Variants in PINX1 observed in about 807,000 individuals in gnomAD.
PINX1 encodes PIN2/TERF1-interacting telomerase inhibitor 1.
Under a neutral mutation model 25.4 loss-of-function variants are expected in PINX1, and 34 were observed. That is an observed-to-expected ratio of 1.34 (90% confidence interval 1.02 to 1.78). PINX1 has a LOEUF of 1.78. Ranked by LOEUF, PINX1 falls within the 40% of genes most tolerant of loss-of-function variation. PINX1 has a pLI of 0.00. For synonymous variants in PINX1, 197 were observed against 147.7 expected (o/e 1.33, Z -2.42); for missense variants, 592 against 404.9 (o/e 1.46, Z -3.97).
At chr8:10,824,879 T>C (rs1232162234) in intron 5 of PINX1, among the ~76,000 whole-genome samples, 1 of 152,216 alleles carries the variant, frequency 6.6e-6, no homozygotes, top group Non-Finnish European at 1.5e-5. Flanking sequence ...GGACTGGGTA[T>C]GAAGTGAGCA....
chr8:10,821,066 G>C (rs140027332), intron 5 of PINX1, among the ~76,000 whole-genome samples: 1 of 152,342 alleles, frequency 6.6e-6, no homozygotes, highest in East Asian at 1.9e-4. Flanking sequence ...AGTCCCATTT[G>C]TCAACGGCAT....
At chr8:10,804,580 G>T (rs1052325665) in intron 6 of PINX1, among the ~76,000 whole-genome samples, 1 of 152,060 alleles carries the variant, frequency 6.6e-6, no homozygotes, top group East Asian at 1.9e-4. Context: ...CTCTCAAAAC[G>T]CTCTGAAAGG....
chr8:10,839,096 G>A (rs1275989320), intron 1 of PINX1, among the ~76,000 whole-genome samples: 2 of 152,154 alleles, frequency 1.3e-5, no homozygotes, highest in Non-Finnish European at 1.5e-5. Flanking sequence ...CAATTCAGAA[G>A]TTCAGCAGCC....
At chr8:10,823,102 A>G (rs1021982361) in intron 5 of PINX1, among the ~76,000 whole-genome samples, 1 of 152,200 alleles carries the variant, frequency 6.6e-6, no homozygotes, top group Non-Finnish European at 1.5e-5. Context: ...GTGCTACCTG[A>G]TATTTATTTA....
intron 4 of PINX1, among the ~76,000 whole-genome samples, chr8:10,830,320 G>A (rs1798190185): frequency 6.6e-6 from 1 of 152,134 alleles, no homozygotes; most frequent in South Asian, 2.1e-4. Flanking sequence ...CACACTGTTG[G>A]GCTCACTTCC....
In PINX1 at chr8:10,795,267, G is replaced by A. The variant is rs60055864; in HGVS notation, c.471+24926C>T. Among the ~76,000 whole-genome samples, 730 of 152,286 alleles carry A rather than the reference G, an allele frequency of 4.8e-3. 3 individuals carry two copies. Among genetic ancestry groups the A allele is most frequent in the African/African-American group, 0.017 (695 of 41,560 alleles). Reference sequence around the variant, plus strand: ...AGTTCATAGCAATGTCTTTGACCTGGCTACAAACAGAGGGCTTGGCTTGCT... The same window carrying A: ...AGTTCATAGCAATGTCTTTGACCTGACTACAAACAGAGGGCTTGGCTTGCT... On this transcript the variant is annotated intron_variant, in intron 6 of 6. Transcript: ENST00000314787.
At chr8:10,813,325 A>G (rs886784438) in intron 6 of PINX1, among the ~76,000 whole-genome samples, 2 of 152,178 alleles carry the variant, frequency 1.3e-5, no homozygotes, top group Non-Finnish European at 2.9e-5. Context: ...ATCAGTGTGA[A>G]AATTCAGAAA....
intron 6 of PINX1, among the ~76,000 whole-genome samples, chr8:10,799,923 T>G (rs972434931): frequency 6.6e-6 from 1 of 152,220 alleles, no homozygotes; most frequent in African/African-American, 2.4e-5. Context: ...TACTGGGCTA[T>G]TTGTCATTCC....
At chr8:10,808,862 A>T (rs1218639855) in intron 6 of PINX1, among the ~76,000 whole-genome samples, 1 of 152,248 alleles carries the variant, frequency 6.6e-6, no homozygotes, top group Non-Finnish European at 1.5e-5. Flanking sequence ...AACAACACAA[A>T]AACACAGCCT....
intron 6 of PINX1, among the ~76,000 whole-genome samples, chr8:10,817,947 T>A (rs1004824364): frequency 1.5e-4 from 23 of 151,932 alleles, no homozygotes; most frequent in Admixed American, 7.2e-4. Flanking sequence ...AAATTTTTTT[T>A]AAATTTTTCT....
intron 6 of PINX1, chr8:10,787,816 C>G (rs1801798533): frequency 2.2e-6 from 1 of 455,764 alleles, no homozygotes; most frequent in African/African-American, 2.0e-5. Context: ...AAGGTGACTT[C>G]AACAATAAAC....
At position 10,765,627 on chromosome 8, in the gene PINX1, CTCT is replaced by C. The variant is rs754430820; in HGVS notation, c.758_760del (p.Lys253del). 356 of 1,613,904 alleles carry C rather than the reference CTCT, an allele frequency of 2.2e-4. 1 individual carries two copies. Among genetic ancestry groups the C allele is most frequent in the Non-Finnish European group, 2.8e-4 (331 of 1,179,884 alleles). ...TCTGAGCTGCTCTTCTGCTGGCGCG[CTCT>C]TCTTCTTGGCCACTCGCTCCTGGGC... On this transcript the variant is annotated inframe_deletion, in exon 7 of 7. Transcript: ENST00000314787.
chr8:10,786,737 C>A (rs1402895099), intron 6 of PINX1, among the ~76,000 whole-genome samples: 1 of 152,124 alleles, frequency 6.6e-6, no homozygotes, highest in East Asian at 1.9e-4. Context: ...TGTAATCTTG[C>A]TTCCTCCCTC....
intron 4 of PINX1, among the ~76,000 whole-genome samples, chr8:10,831,051 T>C (rs183200914): frequency 4.6e-5 from 7 of 152,318 alleles, no homozygotes; most frequent in Non-Finnish European, 7.4e-5. Context: ...AACCTAAGTG[T>C]CCACCAACAC....
intron 6 of PINX1, among the ~76,000 whole-genome samples, chr8:10,808,233 A>G (rs4841448): frequency 2.0e-5 from 3 of 152,156 alleles, no homozygotes; most frequent in Non-Finnish European, 4.4e-5. Context: ...CTACCAAAAC[A>G]GAAGTCCACA....
chr8:10,807,028 G>A (rs907918587), intron 6 of PINX1, among the ~76,000 whole-genome samples: 4 of 152,108 alleles, frequency 2.6e-5, no homozygotes, highest in East Asian at 1.9e-4. Flanking sequence ...TACAGCAGAC[G>A]GCAAAGGATC....
At chr8:10,809,913 A>G (rs1347260587) in intron 6 of PINX1, among the ~76,000 whole-genome samples, 3 of 152,226 alleles carry the variant, frequency 2.0e-5, no homozygotes, top group Non-Finnish European at 4.4e-5. Flanking sequence ...ATTTTGGCTC[A>G]CAGTTCTGCA....
intron 6 of PINX1, among the ~76,000 whole-genome samples, chr8:10,789,118 C>T (rs1393122524): frequency 6.6e-6 from 1 of 152,306 alleles, no homozygotes; most frequent in Middle Eastern, 3.4e-3. Context: ...GATGAGCAGG[C>T]ATCTCATAGG....
In PINX1 at chr8:10,765,546, A is replaced by G. The variant is rs371274935; in HGVS notation, c.842T>C (p.Val281Ala). Residue 281 changes from valine (V) to alanine (A), a missense_variant, in exon 7 of 7, where the codon GTG (valine) becomes GCG (alanine). Coordinates refer to ENST00000314787, the MANE Select transcript of PINX1 (RefSeq NM_017884.6). ...GAAGTCCCGGCCCTCAGGCGGCTGCACATGGTCCCCTGCATCCTGAGCAGA... is the reference window on the plus strand; with the variant it reads ...GAAGTCCCGGCCCTCAGGCGGCTGCGCATGGTCCCCTGCATCCTGAGCAGA... ...KASAQDAGDH[V>A]QPPEGRDFTL... The G allele has an allele frequency of 1.9e-6, 3 of 1,613,582 alleles. No homozygotes were observed. The African/African-American group carries it at 4.0e-5, about 22-fold the overall frequency.
Sources: gnomAD v4.1 joint callset for allele counts (sites outside exome capture counted in the v4.1 genomes callset) on GRCh38, gnomAD v4.1.1 for gene constraint, MANE v1.5 for transcripts, NCBI Gene and HGNC (gene_info 2026-07-23, HGNC 2026-07-21) for gene names.